SYCP1: variants seen among roughly 807,000 people sequenced by gnomAD.
SYCP1 encodes synaptonemal complex protein 1.
SYCP1 carries 64 observed loss-of-function variants against 153.1 expected under a neutral mutation model. The ratio of observed to expected loss-of-function variants is 0.42; its 90% confidence interval spans 0.34 to 0.51. The LOEUF (loss-of-function observed/expected upper bound fraction) is 0.51. Among genes scored for constraint, SYCP1 ranks in the 20% least tolerant of loss-of-function variants. SYCP1 has a pLI of 0.06. For missense variants in SYCP1, 997 were observed against 1,049.0 expected, an observed-to-expected ratio of 0.95 and a Z score of 0.68; for synonymous variants, 384 against 341.8, an observed-to-expected ratio of 1.12 and a Z score of -1.36.
chr1:114,868,927 C>T (rs544608848), intron 8 of SYCP1, among the ~76,000 whole-genome samples: 62 of 152,256 alleles, frequency 4.1e-4, no homozygotes, highest in Non-Finnish European at 6.5e-4. Context: ...TGAATCCTCT[C>T]TCTCTTTTTC....
chr1:114,926,312 A>G lies in SYCP1; in HGVS notation c.1835A>G (p.Asn612Ser), dbSNP rs777926286. The G allele has an allele frequency of 2.6e-6, 4 of 1,533,326 alleles. No homozygotes were observed. Among genetic ancestry groups the G allele is most frequent in the Admixed American group, 2.1e-5 (1 of 47,504 alleles). The allele number at this position is 1,533,326 out of a possible 1,614,324, so 95.0% of individuals were successfully genotyped here. ...TTAAGGAAACAAGTTGAAAATAAAA[A>G]CAAGTATATTGAAGAACTTCAGCAG... ...NNLRKQVENK[N>S]KYIEELQQEN... is the part of the protein sequence containing the mutation. The change falls in exon 22 of 32, where the codon AAC (asparagine) becomes AGC (serine). Residue 612 changes from asparagine (N) to serine (S), a missense_variant. Transcript: ENST00000369522.
At position 114,994,727 on chromosome 1, in the gene SYCP1, A is replaced by C. The variant is rs963796654; in HGVS notation, c.2733A>C (p.Lys911Asn). The stretch of plus-strand genomic sequence containing the variant: ...TGGTTTCAGAAGAAGAGACATTGAA[A>C]ACACTGTATAGGAACAATAATCCAC... ...LSMVSEEETL[K>N]TLYRNNNPPA... Residue 911 changes from lysine (K) to asparagine (N), a missense_variant, in exon 31 of 32, where the codon AAA becomes AAC. Lys to Asn is a moderately conservative substitution (Grantham distance 94). Coordinates refer to ENST00000369522, the MANE Select transcript of SYCP1 (RefSeq NM_003176.4). The C allele has an allele frequency of 1.3e-6, 2 of 1,575,046 alleles. No homozygotes were observed. Among genetic ancestry groups the C allele is most frequent in the Non-Finnish European group, 1.7e-6 (2 of 1,166,932 alleles).
At chr1:114,932,654 A>T (rs1669712181) in intron 23 of SYCP1, among the ~76,000 whole-genome samples, 1 of 152,224 alleles carries the variant, frequency 6.6e-6, no homozygotes, top group South Asian at 2.1e-4. Flanking sequence ...TTTCCTAACC[A>T]AGAGAAGCCG....
intron 27 of SYCP1, among the ~76,000 whole-genome samples, chr1:114,969,857 C>T (rs1324441662): frequency 2.0e-5 from 3 of 152,150 alleles, no homozygotes; most frequent in African/African-American, 7.2e-5. Context: ...AGCACCATCC[C>T]TCATGGCACA....
At chr1:114,956,289 A>G (rs1187871789) in intron 27 of SYCP1, among the ~76,000 whole-genome samples, 3 of 152,072 alleles carry the variant, frequency 2.0e-5, no homozygotes, top group African/African-American at 7.2e-5. Flanking sequence ...TCCTGCTGCA[A>G]TCAGGGAACT....
At chr1:114,941,793 A>C (rs938455465) in intron 23 of SYCP1, among the ~76,000 whole-genome samples, 2 of 152,146 alleles carry the variant, frequency 1.3e-5, no homozygotes, top group Non-Finnish European at 2.9e-5. Context: ...ACAAGTGGAG[A>C]AGTCCATGCA....
chr1:114,890,665 A>T (rs1666647775), intron 15 of SYCP1, among the ~76,000 whole-genome samples: 1 of 152,180 alleles, frequency 6.6e-6, no homozygotes, highest in Non-Finnish European at 1.5e-5. Flanking sequence ...GGTAGCATTA[A>T]CAGTGACATA....
intron 26 of SYCP1, among the ~76,000 whole-genome samples, chr1:114,947,028 C>T (rs911584990): frequency 3.3e-5 from 5 of 152,156 alleles, no homozygotes; most frequent in Non-Finnish European, 7.3e-5. Context: ...GGATTACAGG[C>T]ATGAGCCACT....
At chr1:114,988,861 G>A (rs1673716654) in intron 30 of SYCP1, among the ~76,000 whole-genome samples, 1 of 151,970 alleles carries the variant, frequency 6.6e-6, no homozygotes, top group African/African-American at 2.4e-5. Flanking sequence ...GGCGCACAAT[G>A]TATAAAGATG....
intron 21 of SYCP1, among the ~76,000 whole-genome samples, chr1:114,926,024 A>G (rs1237760819): frequency 6.6e-6 from 1 of 152,138 alleles, no homozygotes; most frequent in Non-Finnish European, 1.5e-5. Context: ...CTGTAATCCC[A>G]GCACTTTGGG....
intron 30 of SYCP1, among the ~76,000 whole-genome samples, chr1:114,992,053 T>G (rs775943452): frequency 4.6e-5 from 7 of 151,758 alleles, no homozygotes; most frequent in African/African-American, 7.2e-5. Flanking sequence ...CTATTCACAA[T>G]AGCATCTAAA....
chr1:114,916,932 A>G (rs1191721830), intron 20 of SYCP1, among the ~76,000 whole-genome samples: 1 of 152,098 alleles, frequency 6.6e-6, no homozygotes, highest in Non-Finnish European at 1.5e-5. Context: ...CAGGCATACA[A>G]TGTGTAATAA....
chr1:114,886,066 A>G (rs1666275713), intron 13 of SYCP1, 59 bp from the exon 14 acceptor site: 1 of 1,156,644 alleles, frequency 8.6e-7, no homozygotes, highest in Admixed American at 2.6e-5. Context: ...AGATAAGTTC[A>G]GCTTTTTTGG....
chr1:114,888,658 G>A (rs1048829327), intron 15 of SYCP1, among the ~76,000 whole-genome samples: 8 of 151,524 alleles, frequency 5.3e-5, no homozygotes, highest in African/African-American at 1.7e-4. Flanking sequence ...TTCTTCCTTC[G>A]AGCATAAAAT....
At chr1:114,993,239 A>T (rs1674044725) in intron 30 of SYCP1, among the ~76,000 whole-genome samples, 1 of 151,574 alleles carries the variant, frequency 6.6e-6, no homozygotes, top group Admixed American at 6.6e-5. Context: ...TTCTGAGTAT[A>T]TCTGCAAAGG....
At chr1:114,986,318 G>A (rs1461869712) in intron 30 of SYCP1, among the ~76,000 whole-genome samples, 1 of 152,030 alleles carries the variant, frequency 6.6e-6, no homozygotes, top group Non-Finnish European at 1.5e-5. Flanking sequence ...AATTCAAAAT[G>A]TAGTCCAGAT....
chr1:114,920,122 C>T (rs360583), intron 20 of SYCP1, among the ~76,000 whole-genome samples: 75,158 of 151,648 alleles, frequency 0.5, 19,920 homozygotes, highest in Middle Eastern at 0.62. Flanking sequence ...TAGGCACTTA[C>T]AAACACACCT....
At chr1:114,942,827 A>G (rs1026304424) in intron 23 of SYCP1, among the ~76,000 whole-genome samples, 2 of 151,980 alleles carry the variant, frequency 1.3e-5, no homozygotes, top group African/African-American at 4.8e-5. Context: ...TGATACATTC[A>G]TATATACTAA....
intron 8 of SYCP1, among the ~76,000 whole-genome samples, chr1:114,872,896 CA>C (rs1665251179): frequency 6.6e-6 from 1 of 152,158 alleles, no homozygotes; most frequent in African/African-American, 2.4e-5. Flanking sequence ...CTCAAGTAAT[CA>C]TCTTGCCTGA....
Sources: gnomAD v4.1 joint callset for allele counts (sites outside exome capture counted in the v4.1 genomes callset) on GRCh38, gnomAD v4.1.1 for gene constraint, MANE v1.5 for transcripts, NCBI Gene and HGNC (gene_info 2026-07-23, HGNC 2026-07-21) for gene names.